The following TTC27 variants were observed in gnomAD, a reference collection of about 807,000 sequenced individuals.
The protein encoded by TTC27 is tetratricopeptide repeat protein 27.
In TTC27, 79 loss-of-function variants were observed where a neutral mutation model predicts 115.9. That is an observed-to-expected ratio of 0.68 (90% CI 0.57 to 0.82). The LOEUF is 0.82. Ranked by LOEUF, TTC27 falls within the 40% of genes least tolerant of loss-of-function variation. TTC27 has a pLI of 0.00. For missense variants in TTC27, 1,054 were observed against 993.1 expected (o/e 1.06, Z -0.82); for synonymous variants, 401 against 356.0 (o/e 1.13, Z -1.42).
At chr2:32,767,450 TTTG>T (rs1669670347) in intron 13 of TTC27, among the ~76,000 whole-genome samples, 1 of 68,252 alleles carries the variant, frequency 1.5e-5, no homozygotes, top group African/African-American at 4.5e-5. Context: ...TAAGTTTTTT[TTTG>T]TTTTTTTTTT....
At chr2:32,762,278 TGTGTGTGTG>T (rs1669465219) in intron 13 of TTC27, among the ~76,000 whole-genome samples, 1 of 5,270 alleles carries the variant, frequency 1.9e-4, no homozygotes, top group African/African-American at 8.2e-4. Context: ...CAGAGAGAAG[TGTGTGTGTG>T]TGTGTGTGTG....
At chr2:32,737,076 C>T (rs1668474804) in intron 12 of TTC27, among the ~76,000 whole-genome samples, 1 of 152,158 alleles carries the variant, frequency 6.6e-6, no homozygotes, top group Admixed American at 6.5e-5. Context: ...CTTAGGATGA[C>T]TTCAAAGCGA....
chr2:32,670,363 G>A (rs1356431662), intron 7 of TTC27, among the ~76,000 whole-genome samples: 1 of 152,140 alleles, frequency 6.6e-6, no homozygotes, highest in Non-Finnish European at 1.5e-5. Flanking sequence ...TTTCTCCAAA[G>A]AGTGCCGCCA....
At chr2:32,682,590 G>A (rs1476291096) in intron 9 of TTC27, among the ~76,000 whole-genome samples, 1 of 152,034 alleles carries the variant, frequency 6.6e-6, no homozygotes, top group Non-Finnish European at 1.5e-5. Context: ...CAGCTTGGTG[G>A]CCTGGGACTA....
intron 12 of TTC27, among the ~76,000 whole-genome samples, chr2:32,753,965 C>T (rs573938880): frequency 6.6e-6 from 1 of 152,114 alleles, no homozygotes; most frequent in Admixed American, 6.5e-5. Context: ...ATCCCAGCTA[C>T]TCGGGAGGCT....
At chr2:32,732,070 C>A (rs1020882589) in intron 10 of TTC27, among the ~76,000 whole-genome samples, 1 of 151,948 alleles carries the variant, frequency 6.6e-6, no homozygotes, top group African/African-American at 2.4e-5. Context: ...CCAAAAAAAA[C>A]TGAATTGATA....
At chr2:32,785,122 G>A (rs1394135844) in intron 15 of TTC27, among the ~76,000 whole-genome samples, 1 of 152,050 alleles carries the variant, frequency 6.6e-6, no homozygotes, top group Non-Finnish European at 1.5e-5. Context: ...TAAAATTTTG[G>A]CTGACAGTTA....
chr2:32,774,765 C>T (rs1669939871), intron 13 of TTC27, among the ~76,000 whole-genome samples: 1 of 152,140 alleles, frequency 6.6e-6, no homozygotes, highest in Non-Finnish European at 1.5e-5. Context: ...TGTAGTCCCC[C>T]AAATTCTGAA....
At chr2:32,658,488 G>A (rs369133280) in intron 5 of TTC27, among the ~76,000 whole-genome samples, 1 of 152,100 alleles carries the variant, frequency 6.6e-6, no homozygotes, top group South Asian at 2.1e-4. Flanking sequence ...ATTAAATAAC[G>A]CAACATGTAA....
chr2:32,638,959 A>T (rs1220181676), intron 3 of TTC27, among the ~76,000 whole-genome samples: 1 of 152,044 alleles, frequency 6.6e-6, no homozygotes, highest in Admixed American at 6.6e-5. Flanking sequence ...CAGCCTCCCA[A>T]GTAGCTGGGA....
intron 16 of TTC27, among the ~76,000 whole-genome samples, chr2:32,794,322 T>C (rs1261822042): frequency 6.6e-6 from 1 of 152,040 alleles, no homozygotes; most frequent in East Asian, 1.9e-4. Context: ...CACAAAATTA[T>C]GGAAAGTAAA....
At chr2:32,713,860 C>T (rs980611269) in intron 10 of TTC27, among the ~76,000 whole-genome samples, 16 of 152,176 alleles carry the variant, frequency 1.1e-4, no homozygotes, top group South Asian at 2.1e-4. Flanking sequence ...CAGATTATTT[C>T]GTCACTCAGG....
At chr2:32,766,882 T>A (rs1167536271) in intron 13 of TTC27, among the ~76,000 whole-genome samples, 1 of 152,034 alleles carries the variant, frequency 6.6e-6, no homozygotes, top group African/African-American at 2.4e-5. Context: ...ATCTCCCGGG[T>A]TCAAGCAATC....
chr2:32,638,011 AG>A (rs1664494307), intron 3 of TTC27, among the ~76,000 whole-genome samples: 1 of 152,214 alleles, frequency 6.6e-6, no homozygotes, highest in Non-Finnish European at 1.5e-5. Context: ...GCATAGCCCT[AG>A]CCCTTCCTGA....
intron 10 of TTC27, among the ~76,000 whole-genome samples, chr2:32,705,503 C>T (rs538906365): frequency 6.6e-5 from 10 of 151,794 alleles, no homozygotes; most frequent in Non-Finnish European, 1.5e-4. Flanking sequence ...TTACTTGCCA[C>T]TATACTAACG....
chr2:32,658,711 G>A (rs1350321963), intron 5 of TTC27, among the ~76,000 whole-genome samples: 1 of 152,062 alleles, frequency 6.6e-6, no homozygotes, highest in African/African-American at 2.4e-5. Context: ...TCTGTTTGGG[G>A]GATCAATTGG....
At chr2:32,654,174 C>T (rs147972300) in intron 5 of TTC27, among the ~76,000 whole-genome samples, 177 of 152,304 alleles carry the variant, frequency 1.2e-3, no homozygotes, top group African/African-American at 4.0e-3. Flanking sequence ...AATGATGTGG[C>T]GTTTCTGACT....
At chr2:32,757,840 G>A (rs1448450155) in intron 12 of TTC27, among the ~76,000 whole-genome samples, 1 of 152,042 alleles carries the variant, frequency 6.6e-6, no homozygotes, top group Admixed American at 6.6e-5. Context: ...TGGGATTACA[G>A]GCAGGCACCT....
chr2:32,670,206 T>G (rs1665961386), intron 7 of TTC27, among the ~76,000 whole-genome samples: 1 of 152,070 alleles, frequency 6.6e-6, no homozygotes, highest in Non-Finnish European at 1.5e-5. Flanking sequence ...GCTCCTAAAG[T>G]CCTCTTTTTT....
Sources: gnomAD v4.1 joint callset for allele counts (sites outside exome capture counted in the v4.1 genomes callset) on GRCh38, gnomAD v4.1.1 for gene constraint, MANE v1.5 for transcripts, NCBI Gene and HGNC (gene_info 2026-07-23, HGNC 2026-07-21) for gene names.